TMEM163: variants seen among roughly 807,000 people sequenced by gnomAD.
TMEM163 encodes the protein transmembrane protein 163.
TMEM163 carries 17 observed loss-of-function variants against 29.3 expected under a neutral mutation model. The observed-to-expected ratio is 0.58, with a 90% CI of 0.40 to 0.87. The LOEUF is 0.87. TMEM163 is among the 40% of genes least tolerant of loss of function. The pLI, the probability that TMEM163 is intolerant of heterozygous loss-of-function variation, is 0.00. For missense variants in TMEM163, 303 were observed against 381.5 expected (o/e 0.79, Z 1.71); for synonymous variants, 157 against 160.6 (o/e 0.98, Z 0.17).
chr2:134,515,038 CAGAT>C (rs1244187286), intron 4 of TMEM163, among the ~76,000 whole-genome samples: 1 of 152,180 alleles, frequency 6.6e-6, no homozygotes, highest in Non-Finnish European at 1.5e-5. Flanking sequence ...GCAAAGCTGA[CAGAT>C]AGAAGATTCT....
intron 5 of TMEM163, among the ~76,000 whole-genome samples, chr2:134,470,858 C>T (rs1393416257): frequency 3.3e-5 from 5 of 152,220 alleles, no homozygotes; most frequent in Non-Finnish European, 7.3e-5. Context: ...CACAGAGATG[C>T]AGTCAGCAGC....
At chr2:134,537,088 G>A (rs1476110539) in intron 4 of TMEM163, among the ~76,000 whole-genome samples, 2 of 152,192 alleles carry the variant, frequency 1.3e-5, no homozygotes, top group African/African-American at 4.8e-5. Flanking sequence ...CTCAAAGGTA[G>A]TCTCACTTAG....
At chr2:134,623,319 C>A (rs1359663784) in intron 2 of TMEM163, among the ~76,000 whole-genome samples, 3 of 152,190 alleles carry the variant, frequency 2.0e-5, no homozygotes, top group African/African-American at 7.2e-5. Flanking sequence ...AGTCTACATA[C>A]CCAATCTTAT....
At chr2:134,536,703 C>T (rs1006638282) in intron 4 of TMEM163, among the ~76,000 whole-genome samples, 3 of 152,032 alleles carry the variant, frequency 2.0e-5, no homozygotes, top group African/African-American at 7.2e-5. Flanking sequence ...GTACAGTGCC[C>T]GAAGCATACT....
intron 5 of TMEM163, among the ~76,000 whole-genome samples, chr2:134,472,214 T>C (rs1159637297): frequency 6.6e-6 from 1 of 152,198 alleles, no homozygotes; most frequent in African/African-American, 2.4e-5. Flanking sequence ...AGTTAAGACA[T>C]ATTCAGGGGA....
chr2:134,476,000 G>A (rs769797113), intron 5 of TMEM163, among the ~76,000 whole-genome samples: 4 of 152,140 alleles, frequency 2.6e-5, no homozygotes, highest in Admixed American at 2.0e-4. Flanking sequence ...GAAGGCATAC[G>A]TCCACACGAA....
At chr2:134,468,479 A>G (rs2106475196) in intron 5 of TMEM163, 1 of 152,354 alleles carries the variant, frequency 6.6e-6, no homozygotes. Flanking sequence ...AGAACTGACT[A>G]AGACACATGA....
At chr2:134,604,475 T>A (rs1682306343) in intron 2 of TMEM163, among the ~76,000 whole-genome samples, 1 of 151,558 alleles carries the variant, frequency 6.6e-6, no homozygotes, top group Non-Finnish European at 1.5e-5. Flanking sequence ...CAAGACATTT[T>A]CTCTAGGTAC....
chr2:134,547,537 G>T (rs149129755), intron 4 of TMEM163, among the ~76,000 whole-genome samples: 2 of 152,316 alleles, frequency 1.3e-5, no homozygotes, highest in Non-Finnish European at 2.9e-5. Context: ...GGCTTTTCTA[G>T]CTGTGCCCCT....
intron 4 of TMEM163, among the ~76,000 whole-genome samples, chr2:134,528,955 C>T (rs1322337666): frequency 6.6e-6 from 1 of 152,136 alleles, no homozygotes; most frequent in African/African-American, 2.4e-5. Context: ...TTTTCAATAA[C>T]AAAGAAATGC....
At chr2:134,480,179 C>T (rs1348002227) in intron 5 of TMEM163, among the ~76,000 whole-genome samples, 1 of 152,202 alleles carries the variant, frequency 6.6e-6, no homozygotes, top group African/African-American at 2.4e-5. Context: ...GGGGACTCCT[C>T]TGCCCTCACC....
At chr2:134,516,683 AT>A (rs1680068486) in intron 4 of TMEM163, among the ~76,000 whole-genome samples, 4 of 131,486 alleles carry the variant, frequency 3.0e-5, no homozygotes, top group South Asian at 3.3e-4. Context: ...TCATACATAT[AT>A]GCATATATAT....
chr2:134,570,608 T>C (rs1043586938), intron 2 of TMEM163, among the ~76,000 whole-genome samples: 1 of 152,136 alleles, frequency 6.6e-6, no homozygotes, highest in Non-Finnish European at 1.5e-5. Flanking sequence ...TGTTCCTTTT[T>C]AGTGGAGCAG....
intron 2 of TMEM163, among the ~76,000 whole-genome samples, chr2:134,564,546 A>T (rs1304745589): frequency 2.0e-5 from 3 of 152,170 alleles, no homozygotes; most frequent in African/African-American, 7.2e-5. Flanking sequence ...TACATTAAAG[A>T]CCTCCTTCAA....
intron 5 of TMEM163, among the ~76,000 whole-genome samples, chr2:134,491,961 G>A (rs959946981): frequency 1.3e-5 from 2 of 152,130 alleles, no homozygotes; most frequent in African/African-American, 2.4e-5. Flanking sequence ...TAAGCTGCCC[G>A]TGCTTCCAGA....
At chr2:134,651,003 T>A (rs1683464311) in intron 2 of TMEM163, among the ~76,000 whole-genome samples, 1 of 99,984 alleles carries the variant, frequency 1.0e-5, no homozygotes, top group Admixed American at 1.1e-4. Context: ...GCAATAAACA[T>A]ACGTGTGCAT....
intron 4 of TMEM163, among the ~76,000 whole-genome samples, chr2:134,503,418 G>C (rs1221372516): frequency 6.6e-6 from 1 of 152,204 alleles, no homozygotes; most frequent in Non-Finnish European, 1.5e-5. Flanking sequence ...GTGTGATCTT[G>C]ATTATTGTCT....
At chr2:134,626,566 T>A (rs1301553890) in intron 2 of TMEM163, among the ~76,000 whole-genome samples, 1 of 152,178 alleles carries the variant, frequency 6.6e-6, no homozygotes, top group Admixed American at 6.5e-5. Flanking sequence ...TAATCCAGCA[T>A]AATCTCTCCA....
At chr2:134,532,076 A>T (rs1386413974) in intron 4 of TMEM163, among the ~76,000 whole-genome samples, 1 of 152,258 alleles carries the variant, frequency 6.6e-6, no homozygotes, top group East Asian at 1.9e-4. Context: ...TATCACAGGT[A>T]GGATGGACTC....
Sources: allele counts gnomAD v4.1 joint callset (sites outside exome capture counted in the v4.1 genomes callset), GRCh38; gene constraint gnomAD v4.1.1; transcripts MANE v1.5; gene names NCBI Gene and HGNC (gene_info 2026-07-23, HGNC 2026-07-21).